The following KCNJ3 variants were observed in gnomAD, a reference collection of about 807,000 sequenced individuals.
The protein encoded by KCNJ3 is G protein-activated inward rectifier potassium channel 1.
KCNJ3 carries 4 observed loss-of-function variants against 39.2 expected under a neutral mutation model. That is an observed-to-expected ratio of 0.10 (90% confidence interval 0.05 to 0.23). KCNJ3 has a LOEUF of 0.23. KCNJ3 is among the 10% of genes least tolerant of loss of function. The pLI, the probability that KCNJ3 is intolerant of heterozygous loss-of-function variation, is 1.00. For missense variants in KCNJ3, 276 were observed against 634.9 expected, an observed-to-expected ratio of 0.43 and a Z score of 6.08; for synonymous variants, 230 against 237.4, an observed-to-expected ratio of 0.97 and a Z score of 0.29.
intron 2 of KCNJ3, among the ~76,000 whole-genome samples, chr2:154,840,519 C>T (rs1429296702): frequency 6.6e-6 from 1 of 152,262 alleles, no homozygotes; most frequent in East Asian, 1.9e-4. Flanking sequence ...CTATAAATTA[C>T]TTTGGGCAGT....
intron 2 of KCNJ3, among the ~76,000 whole-genome samples, chr2:154,758,640 A>G (rs994884801): frequency 6.6e-6 from 1 of 152,228 alleles, no homozygotes; most frequent in African/African-American, 2.4e-5. Flanking sequence ...GGTTGAATCC[A>G]CAGATGGGAA....
At chr2:154,752,740 A>G (rs983114836) in intron 2 of KCNJ3, among the ~76,000 whole-genome samples, 2 of 152,036 alleles carry the variant, frequency 1.3e-5, no homozygotes, top group African/African-American at 4.8e-5. Flanking sequence ...ATTGGGGACA[A>G]TAATTGTGCC....
At chr2:154,708,458 C>T (rs1417181845) in intron 1 of KCNJ3, among the ~76,000 whole-genome samples, 1 of 152,076 alleles carries the variant, frequency 6.6e-6, no homozygotes, top group Non-Finnish European at 1.5e-5. Context: ...GCAGACCAGT[C>T]TTACAGATTG....
chr2:154,797,179 C>T (rs1686734285), intron 2 of KCNJ3, among the ~76,000 whole-genome samples: 1 of 152,168 alleles, frequency 6.6e-6, no homozygotes, highest in Admixed American at 6.6e-5. Flanking sequence ...GCAGCTGTCA[C>T]TTGTCTGGTG....
intron 2 of KCNJ3, among the ~76,000 whole-genome samples, chr2:154,740,524 G>A (rs1490029362): frequency 6.6e-6 from 1 of 151,882 alleles, no homozygotes; most frequent in Non-Finnish European, 1.5e-5. Context: ...CTGATGTCAC[G>A]CCCTAGATGA....
chr2:154,757,134 T>C (rs1046638596), intron 2 of KCNJ3, among the ~76,000 whole-genome samples: 3 of 152,174 alleles, frequency 2.0e-5, no homozygotes, highest in African/African-American at 7.2e-5. Flanking sequence ...ACAGGACATA[T>C]ATGAGTAGAT....
chr2:154,822,851 A>G (rs1371339458), intron 2 of KCNJ3, among the ~76,000 whole-genome samples: 2 of 152,000 alleles, frequency 1.3e-5, no homozygotes, highest in Non-Finnish European at 2.9e-5. Context: ...TTGTGGTACT[A>G]TAATTCTAAA....
chr2:154,768,619 A>G (rs1449084053), intron 2 of KCNJ3, among the ~76,000 whole-genome samples: 1 of 152,120 alleles, frequency 6.6e-6, no homozygotes, highest in Non-Finnish European at 1.5e-5. Flanking sequence ...GTCAGGTAGC[A>G]TGATGCCTCC....
chr2:154,826,934 T>C (rs1395309867), intron 2 of KCNJ3, among the ~76,000 whole-genome samples: 1 of 152,206 alleles, frequency 6.6e-6, no homozygotes, highest in Admixed American at 6.5e-5. Flanking sequence ...ATAATTTGTA[T>C]TTCGTGTTCA....
At chr2:154,750,920 G>C (rs186382257) in intron 2 of KCNJ3, among the ~76,000 whole-genome samples, 1 of 151,992 alleles carries the variant, frequency 6.6e-6, no homozygotes, top group Admixed American at 6.6e-5. Flanking sequence ...CTGAAAATTT[G>C]TATTTGTGAT....
intron 2 of KCNJ3, among the ~76,000 whole-genome samples, chr2:154,826,587 G>C (rs536581459): frequency 6.6e-6 from 1 of 152,102 alleles, no homozygotes; most frequent in Non-Finnish European, 1.5e-5. Context: ...GTTAAAACTC[G>C]TTTTATATGG....
intron 2 of KCNJ3, among the ~76,000 whole-genome samples, chr2:154,819,794 G>T (rs905156254): frequency 6.6e-6 from 1 of 151,926 alleles, no homozygotes; most frequent in Non-Finnish European, 1.5e-5. Context: ...CTCCCAAAGT[G>T]CTGGGATTAC....
intron 2 of KCNJ3, among the ~76,000 whole-genome samples, chr2:154,820,363 T>G (rs1435712072): frequency 6.6e-6 from 1 of 152,198 alleles, no homozygotes; most frequent in Non-Finnish European, 1.5e-5. Flanking sequence ...TCCTGAAAAT[T>G]AGAAGATAGA....
At chr2:154,775,446 T>C (rs1686316582) in intron 2 of KCNJ3, among the ~76,000 whole-genome samples, 1 of 152,202 alleles carries the variant, frequency 6.6e-6, no homozygotes, top group Non-Finnish European at 1.5e-5. Context: ...TCCTGTATCA[T>C]AGTGCTATTT....
At chr2:154,758,453 T>C (rs1476769456) in intron 2 of KCNJ3, among the ~76,000 whole-genome samples, 1 of 152,160 alleles carries the variant, frequency 6.6e-6, no homozygotes, top group Non-Finnish European at 1.5e-5. Context: ...GTGCACATCC[T>C]CCTATATACT....
At chr2:154,742,991 A>G (rs901620971) in intron 2 of KCNJ3, among the ~76,000 whole-genome samples, 1 of 151,762 alleles carries the variant, frequency 6.6e-6, no homozygotes, top group Non-Finnish European at 1.5e-5. Flanking sequence ...TAGGAGTTTT[A>G]TGGTTTTAAT....
At chr2:154,800,603 G>C (rs1422424874) in intron 2 of KCNJ3, among the ~76,000 whole-genome samples, 2 of 151,970 alleles carry the variant, frequency 1.3e-5, no homozygotes, top group Admixed American at 6.6e-5. Flanking sequence ...TTGAGCCTTA[G>C]TATTTAGAAT....
At chr2:154,808,143 C>A (rs533036975) in intron 2 of KCNJ3, among the ~76,000 whole-genome samples, 86 of 148,366 alleles carry the variant, frequency 5.8e-4, no homozygotes, top group Non-Finnish European at 9.2e-4. Context: ...TGCAGTGGAA[C>A]AATCTCGGTT....
At chr2:154,765,182 A>G (rs2652435) in intron 2 of KCNJ3, among the ~76,000 whole-genome samples, 2 of 151,938 alleles carry the variant, frequency 1.3e-5, no homozygotes, top group African/African-American at 4.8e-5. Flanking sequence ...GAAATTTGCC[A>G]AATGTCCCAT....
Sources: gnomAD v4.1 joint callset for allele counts (sites outside exome capture counted in the v4.1 genomes callset) on GRCh38, gnomAD v4.1.1 for gene constraint, MANE v1.5 for transcripts, NCBI Gene and HGNC (gene_info 2026-07-23, HGNC 2026-07-21) for gene names.